The following CTIF variants were observed in gnomAD, a reference collection of about 807,000 sequenced individuals.
The protein encoded by CTIF is cap binding complex dependent translation initiation factor.
In CTIF, 21 loss-of-function variants were observed where a neutral mutation model predicts 66.0. The observed-to-expected ratio is 0.32, with a 90% CI of 0.23 to 0.46. The LOEUF (loss-of-function observed/expected upper bound fraction) is 0.46. Ranked by LOEUF, CTIF falls within the 20% of genes least tolerant of loss-of-function variation. The pLI is 1.00. For missense variants in CTIF, 739 were observed against 812.7 expected (o/e 0.91, Z 1.10); for synonymous variants, 345 against 326.4 (o/e 1.06, Z -0.62).
At position 48,603,168 on chromosome 18, in the gene CTIF, G is replaced by T. The variant is rs1167555594; in HGVS notation, c.-28-16370G>T. 2.0e-5 allele frequency among the ~76,000 whole-genome samples: 3 copies of T among 149,938 alleles called. No individual in the cohort carries two copies. In the East Asian group the frequency reaches 6.1e-4, roughly 30 times the overall value. On this transcript the variant is annotated intron_variant, in intron 1 of 11. Coordinates refer to ENST00000256413, the MANE Select transcript of CTIF (RefSeq NM_014772.3). ...TGGATGGATGGATGGATGGATGGTT[G>T]GATGGATAGATGGGTGGGTGGATAG... is the stretch of plus-strand genomic sequence containing the variant.
At chr18:48,571,987 C>T (rs1412594436) in intron 1 of CTIF, among the ~76,000 whole-genome samples, 2 of 152,224 alleles carry the variant, frequency 1.3e-5, no homozygotes, top group Non-Finnish European at 2.9e-5. Flanking sequence ...AGGCAGCAGA[C>T]TGGAAACTCA....
intron 2 of CTIF, among the ~76,000 whole-genome samples, chr18:48,628,804 C>T (rs2144540864): frequency 6.6e-6 from 1 of 152,306 alleles, no homozygotes; most frequent in East Asian, 1.9e-4. Context: ...GGAGCAAAAG[C>T]CTCCCTCTCT....
chr18:48,633,125 T>C (rs1469335775), intron 2 of CTIF, among the ~76,000 whole-genome samples: 1 of 152,144 alleles, frequency 6.6e-6, no homozygotes, highest in African/African-American at 2.4e-5. Context: ...ACACCAGCAC[T>C]ACGCAGCTGG....
intron 2 of CTIF, among the ~76,000 whole-genome samples, chr18:48,620,933 C>T (rs1325756822): frequency 6.6e-6 from 1 of 152,018 alleles, no homozygotes; most frequent in East Asian, 1.9e-4. Context: ...ATCCCATGCC[C>T]TGTCCCCACT....
chr18:48,828,228 T>G (rs944194453), intron 10 of CTIF, among the ~76,000 whole-genome samples: 10 of 152,164 alleles, frequency 6.6e-5, no homozygotes, highest in Admixed American at 3.3e-4. Flanking sequence ...TTAAACAGTC[T>G]TAAAACTCAA....
intron 6 of CTIF, among the ~76,000 whole-genome samples, chr18:48,707,544 G>T (rs1225541377): frequency 6.6e-6 from 1 of 150,944 alleles, no homozygotes; most frequent in South Asian, 2.1e-4. Flanking sequence ...TCTTTTCCTT[G>T]TCCTCCTCTT....
chr18:48,699,382 A>T, intron 6 of CTIF, among the ~76,000 whole-genome samples: 1 of 78,938 alleles, frequency 1.3e-5, no homozygotes, highest in Non-Finnish European at 2.6e-5. Context: ...AGGGATTGGG[A>T]AGTGCCAGCA....
chr18:48,760,086 C>G (rs1908813531), intron 8 of CTIF: 1 of 152,052 alleles, frequency 6.6e-6, no homozygotes, highest in Non-Finnish European at 1.5e-5. Context: ...GTCCTGTTAA[C>G]TTTACCCAGG....
intron 6 of CTIF, among the ~76,000 whole-genome samples, chr18:48,686,195 T>C (rs954774008): frequency 1.3e-5 from 2 of 152,330 alleles, no homozygotes; most frequent in South Asian, 2.1e-4. Flanking sequence ...GATCTTTCCT[T>C]CTCTATTTTT....
intron 9 of CTIF, among the ~76,000 whole-genome samples, chr18:48,804,617 C>T (rs548624171): frequency 1.3e-5 from 2 of 152,360 alleles, no homozygotes; most frequent in Non-Finnish European, 2.9e-5. Flanking sequence ...TCAGCACCTA[C>T]TTTGCACCAG....
chr18:48,610,081 G>A (rs548580152), intron 1 of CTIF, among the ~76,000 whole-genome samples: 115 of 152,310 alleles, frequency 7.6e-4, no homozygotes, highest in African/African-American at 2.6e-3. Flanking sequence ...CCACAGGCCC[G>A]TCTACCCATT....
Position 48,619,650 on chromosome 18 carries a change from G to T in CTIF, c.85G>T (p.Asp29Tyr). Residue 29 changes from aspartate to tyrosine, a missense_variant, in exon 2 of 12, where the codon GAC becomes TAC. Asp to Tyr is a radical substitution (Grantham distance 160). Coordinates refer to ENST00000256413, the MANE Select transcript of CTIF (RefSeq NM_014772.3). ...GATCGAGGAGCTGGAGCGCTTCATC[G>T]ACAGCTACGTGCTGGAGTACCAGGT... ...QEIEELERFI[D>Y]SYVLEYQVQG... 6.2e-7 allele frequency: 1 copy of T among 1,606,646 alleles called. No homozygotes were observed.
At chr18:48,676,246 T>C (rs1031213362) in intron 6 of CTIF, among the ~76,000 whole-genome samples, 2 of 152,248 alleles carry the variant, frequency 1.3e-5, no homozygotes, top group African/African-American at 4.8e-5. Context: ...CACAGTGGCC[T>C]GGTGCTTTTG....
chr18:48,834,007 AC>A (rs1450295134), intron 10 of CTIF, among the ~76,000 whole-genome samples: 2 of 151,132 alleles, frequency 1.3e-5, no homozygotes, highest in Non-Finnish European at 3.0e-5. Context: ...TCTTGCACAA[AC>A]CCCTTCTCTC....
intron 7 of CTIF, among the ~76,000 whole-genome samples, chr18:48,741,777 G>A (rs2092556878): frequency 6.6e-6 from 1 of 152,080 alleles, no homozygotes; most frequent in African/African-American, 2.4e-5. Context: ...AAAAGAAGTG[G>A]ACTTATGGGG....
At chr18:48,756,394 T>G (rs1412069152) in intron 7 of CTIF, 3 of 152,202 alleles carry the variant, frequency 2.0e-5, no homozygotes, top group Admixed American at 2.0e-4. Flanking sequence ...TACCCTCAAT[T>G]TTTCACAGAT....
chr18:48,555,157 G>A (rs2088987819), intron 1 of CTIF, among the ~76,000 whole-genome samples: 1 of 152,190 alleles, frequency 6.6e-6, no homozygotes, highest in South Asian at 2.1e-4. Flanking sequence ...CCTGAGTGGT[G>A]CAGGAATCAT....
At chr18:48,771,003 C>T (rs1056767526) in intron 9 of CTIF, among the ~76,000 whole-genome samples, 2 of 152,248 alleles carry the variant, frequency 1.3e-5, no homozygotes, top group East Asian at 3.9e-4. Context: ...TTTCCCCCCC[C>T]TACGCTGATT....
At position 48,608,425 on chromosome 18, in the gene CTIF, T is replaced by C. The variant is rs539082083; in HGVS notation, c.-28-11113T>C. Among the ~76,000 whole-genome samples the C allele has an allele frequency of 9.4e-4, 143 of 152,150 alleles. 1 individual carries two copies. The highest frequency in any genetic ancestry group is 3.2e-3 in the African/African-American group (133 of 41,514). ...CCAGACGTGGCCCCAGCACAGGCGG[T>C]AGCAATCTCTGCTTTGTGACTGTGC... On this transcript the variant is annotated intron_variant, in intron 1 of 11. Coordinates refer to ENST00000256413, the MANE Select transcript of CTIF (RefSeq NM_014772.3).
Sources: allele counts gnomAD v4.1 joint callset (sites outside exome capture counted in the v4.1 genomes callset), GRCh38; gene constraint gnomAD v4.1.1; transcripts MANE v1.5; gene names NCBI Gene and HGNC (gene_info 2026-07-23, HGNC 2026-07-21).